The following STAG1 variants were observed in gnomAD, a reference collection of about 807,000 sequenced individuals.
STAG1 encodes STAG1 cohesin complex component.
STAG1 carries 26 observed loss-of-function variants against 170.9 expected under a neutral mutation model. The observed-to-expected ratio is 0.15, with a 90% CI of 0.11 to 0.21. STAG1 has a LOEUF of 0.21. Ranked by LOEUF, STAG1 falls within the 10% of genes least tolerant of loss-of-function variation. The pLI, the probability that STAG1 is intolerant of heterozygous loss-of-function variation, is 1.00. For synonymous variants in STAG1, 514 were observed against 497.7 expected (o/e 1.03, Z -0.44); for missense variants, 964 against 1,509.5 (o/e 0.64, Z 5.99).
At chr3:136,676,671 A>G (rs764622543) in intron 1 of STAG1, among the ~76,000 whole-genome samples, 50 of 152,204 alleles carry the variant, frequency 3.3e-4, no homozygotes, top group Non-Finnish European at 6.2e-4. Context: ...ACTCGTCTTG[A>G]ACTTCTGGCC....
intron 21 of STAG1, among the ~76,000 whole-genome samples, chr3:136,403,224 T>TAAAAAAA (rs55678408): frequency 1.5e-3 from 50 of 33,598 alleles, no homozygotes; most frequent in African/African-American, 3.0e-3. Flanking sequence ...GAGACTGTCT[T>TAAAAAAA]AAAAAAAAAA....
intron 1 of STAG1, among the ~76,000 whole-genome samples, chr3:136,657,193 T>TTTC (rs1941412097): frequency 1.4e-5 from 1 of 72,958 alleles, no homozygotes; most frequent in African/African-American, 7.7e-5. Context: ...TTCTTTCTTT[T>TTTC]TTTTTTTTTT....
chr3:136,497,591 A>T (rs1379335961), intron 9 of STAG1, among the ~76,000 whole-genome samples: 1 of 152,184 alleles, frequency 6.6e-6, no homozygotes, highest in Non-Finnish European at 1.5e-5. Context: ...CTGTAACCCC[A>T]GCACTTTGGG....
At chr3:136,611,446 GCCATAA>G (rs1939272067) in intron 3 of STAG1, among the ~76,000 whole-genome samples, 1 of 151,850 alleles carries the variant, frequency 6.6e-6, no homozygotes, top group African/African-American at 2.4e-5. Flanking sequence ...ATCGTGCCTG[GCCATAA>G]TATTTTTAAT....
Position 136,398,848 on chromosome 3 carries a change from A to T in STAG1, c.2197-19T>A, listed in dbSNP as rs1337090388. On this transcript the variant is annotated intron_variant, in intron 21 of 33. Coordinates refer to ENST00000383202, the MANE Select transcript of STAG1 (RefSeq NM_005862.3). Reference sequence around the variant, plus strand: ...CGACTATCTGTATCAAATGAAAAAAAATTTTTTTAATGAAAAATTCAAAAA... The same window carrying T: ...CGACTATCTGTATCAAATGAAAAAATATTTTTTTAATGAAAAATTCAAAAA... 1.3e-6 allele frequency: 2 copies of T among 1,511,084 alleles called. No homozygotes were observed. Among genetic ancestry groups the T allele is most frequent in the South Asian group, 2.6e-5 (2 of 75,630 alleles). The allele number at this position is 1,511,084 out of a possible 1,614,324, so 93.6% of individuals were successfully genotyped here. A position where few individuals can be genotyped will look rare whatever the true frequency, so the allele number is the denominator to read the frequency against.
intron 1 of STAG1, among the ~76,000 whole-genome samples, chr3:136,640,368 C>CTT (rs1046414006): frequency 1.7e-3 from 237 of 140,406 alleles, no homozygotes; most frequent in African/African-American, 5.4e-3. Flanking sequence ...CATTAGATAA[C>CTT]TTTTTTTTTT....
intron 5 of STAG1, among the ~76,000 whole-genome samples, chr3:136,565,106 A>T (rs879937589): frequency 1.4e-5 from 1 of 71,554 alleles, no homozygotes; most frequent in Admixed American, 1.3e-4. Flanking sequence ...AGGAAAGAGA[A>T]AGAGAGAGAA....
chr3:136,613,468 T>C (rs1280748797), intron 3 of STAG1, among the ~76,000 whole-genome samples: 1 of 152,094 alleles, frequency 6.6e-6, no homozygotes, highest in Non-Finnish European at 1.5e-5. Context: ...AAATGACAAA[T>C]GATTTGAAGC....
intron 1 of STAG1, among the ~76,000 whole-genome samples, chr3:136,702,103 G>C (rs910544132): frequency 1.9e-5 from 2 of 104,992 alleles, no homozygotes; most frequent in East Asian, 2.0e-4. Flanking sequence ...GAGAGAGAGA[G>C]AGAGAGAGAG....
intron 2 of STAG1, among the ~76,000 whole-genome samples, chr3:136,624,001 T>G (rs1939978077): frequency 6.6e-6 from 1 of 152,014 alleles, no homozygotes; most frequent in Non-Finnish European, 1.5e-5. Context: ...GCATATAATT[T>G]ACAAACAATA....
chr3:136,468,906 T>C (rs1405732087), intron 12 of STAG1, among the ~76,000 whole-genome samples: 27 of 151,284 alleles, frequency 1.8e-4, no homozygotes, highest in South Asian at 2.1e-4. Flanking sequence ...TCTCAATACA[T>C]GCAGAAAAGG....
chr3:136,466,815 C>G (rs1463381638), intron 12 of STAG1, among the ~76,000 whole-genome samples: 2 of 152,232 alleles, frequency 1.3e-5, no homozygotes, highest in Non-Finnish European at 2.9e-5. Context: ...TCAGCAGAAA[C>G]TGAACAAGCC....
chr3:136,697,048 A>AT (rs1446116510), intron 1 of STAG1, among the ~76,000 whole-genome samples: 1 of 152,216 alleles, frequency 6.6e-6, no homozygotes, highest in African/African-American at 2.4e-5. Flanking sequence ...TGTTGTCTTT[A>AT]ACATCTGTGG....
intron 15 of STAG1, among the ~76,000 whole-genome samples, chr3:136,439,454 A>C (rs1322753923): frequency 6.7e-6 from 1 of 149,088 alleles, no homozygotes; most frequent in African/African-American, 2.5e-5. Flanking sequence ...ACACTGTAAG[A>C]CAGTCTTAAG....
chr3:136,433,754 T>C (rs1255983093), intron 15 of STAG1, 95 bp from the exon 16 acceptor site: 9 of 807,216 alleles, frequency 1.1e-5, no homozygotes, highest in Non-Finnish European at 1.8e-5. Flanking sequence ...GAAAACATTC[T>C]ATTACTGCTT....
chr3:136,629,212 C>T (rs1228723664), intron 2 of STAG1, among the ~76,000 whole-genome samples: 7 of 152,054 alleles, frequency 4.6e-5, no homozygotes, highest in African/African-American at 1.7e-4. Flanking sequence ...CTATTAAAGG[C>T]CTACCTAATA....
intron 1 of STAG1, among the ~76,000 whole-genome samples, chr3:136,729,781 G>A (rs561914247): frequency 6.8e-6 from 1 of 147,202 alleles, no homozygotes; most frequent in East Asian, 2.1e-4. Flanking sequence ...ATTTTGCTAT[G>A]TTGGCCAGGC....
intron 15 of STAG1, among the ~76,000 whole-genome samples, chr3:136,437,090 G>A (rs1576464446): frequency 6.6e-6 from 1 of 152,190 alleles, no homozygotes; most frequent in African/African-American, 2.4e-5. Context: ...TGAACTAAAT[G>A]CATTGTCTGT....
chr3:136,585,356 C>T (rs554966652), intron 4 of STAG1, among the ~76,000 whole-genome samples: 43 of 152,178 alleles, frequency 2.8e-4, no homozygotes, highest in African/African-American at 9.9e-4. Flanking sequence ...GCAGCAGAAT[C>T]GTTGGAACCC....
Sources: allele counts gnomAD v4.1 joint callset (sites outside exome capture counted in the v4.1 genomes callset), GRCh38; gene constraint gnomAD v4.1.1; transcripts MANE v1.5; gene names NCBI Gene and HGNC (gene_info 2026-07-23, HGNC 2026-07-21).